SLC24A3: variants seen among roughly 807,000 people sequenced by gnomAD.
The protein encoded by SLC24A3 is solute carrier family 24 member 3.
A neutral mutation model predicts 75.8 loss-of-function variants in SLC24A3; 28 were observed. The ratio of observed to expected loss-of-function variants is 0.37; its 90% CI spans 0.27 to 0.51. SLC24A3 has a LOEUF of 0.51. SLC24A3 is among the 20% of genes least tolerant of loss of function. SLC24A3 has a pLI of 0.94. For missense variants in SLC24A3, 663 were observed against 847.8 expected (o/e 0.78, Z 2.71); for synonymous variants, 372 against 334.1 (o/e 1.11, Z -1.24).
chr20:19,507,242 A>T (rs1988474007), intron 2 of SLC24A3, among the ~76,000 whole-genome samples: 1 of 152,196 alleles, frequency 6.6e-6, no homozygotes, highest in South Asian at 2.1e-4. Flanking sequence ...TCAATATCCT[A>T]CAACCTTAAC....
chr20:19,282,426 G>A (rs955310463), intron 2 of SLC24A3, among the ~76,000 whole-genome samples: 4 of 152,348 alleles, frequency 2.6e-5, no homozygotes, highest in East Asian at 1.9e-4. Context: ...AAGTGAAGCA[G>A]CACATGGGCA....
At chr20:19,298,400 T>C (rs2122242738) in intron 2 of SLC24A3, among the ~76,000 whole-genome samples, 1 of 152,348 alleles carries the variant, frequency 6.6e-6, no homozygotes, top group East Asian at 1.9e-4. Flanking sequence ...TAACTTGAGA[T>C]GCATAAATGA....
chr20:19,345,263 C>T (rs904032742), intron 2 of SLC24A3, among the ~76,000 whole-genome samples: 1 of 151,760 alleles, frequency 6.6e-6, no homozygotes, highest in South Asian at 2.1e-4. Flanking sequence ...TGAAAGAAAT[C>T]AAAAAAAGAA....
chr20:19,680,177 T>C (rs2032597409), intron 9 of SLC24A3, among the ~76,000 whole-genome samples: 1 of 133,020 alleles, frequency 7.5e-6, no homozygotes, highest in Non-Finnish European at 1.7e-5. Flanking sequence ...TGTCTCTGTG[T>C]GTCTGTATGT....
At chr20:19,403,807 A>G in intron 2 of SLC24A3, among the ~76,000 whole-genome samples, 1 of 152,254 alleles carries the variant, frequency 6.6e-6, no homozygotes, top group East Asian at 1.9e-4. Flanking sequence ...CAGTGTAGCT[A>G]GAATGCAATT....
intron 2 of SLC24A3, among the ~76,000 whole-genome samples, chr20:19,469,214 C>A (rs1341150355): frequency 6.6e-6 from 1 of 151,892 alleles, no homozygotes; most frequent in Non-Finnish European, 1.5e-5. Flanking sequence ...ATGGGGCAGG[C>A]AGGAGATGAG....
chr20:19,220,380 C>A (rs1981672118), intron 1 of SLC24A3, among the ~76,000 whole-genome samples: 2 of 152,178 alleles, frequency 1.3e-5, no homozygotes, highest in Admixed American at 1.3e-4. Flanking sequence ...TGTTTGATCT[C>A]AGCAAAAGTC....
intron 7 of SLC24A3, among the ~76,000 whole-genome samples, chr20:19,663,396 GCCT>G (rs1568689481): frequency 1.6e-4 from 1 of 6,282 alleles, no homozygotes; most frequent in East Asian, 9.1e-3. Context: ...CTTTGTGGAG[GCCT>G]CCTCCTCCAC....
intron 3 of SLC24A3, among the ~76,000 whole-genome samples, chr20:19,541,119 A>G (rs1037126370): frequency 4.6e-5 from 7 of 152,220 alleles, no homozygotes; most frequent in African/African-American, 1.7e-4. Context: ...TTTAGTCTAC[A>G]TTTGTAGTGG....
intron 2 of SLC24A3, among the ~76,000 whole-genome samples, chr20:19,441,521 A>G (rs959156386): frequency 2.0e-5 from 3 of 152,194 alleles, no homozygotes; most frequent in Admixed American, 6.5e-5. Flanking sequence ...AATAGACTTT[A>G]TTTTTAAGAG....
chr20:19,358,256 C>T (rs1378262653), intron 2 of SLC24A3, among the ~76,000 whole-genome samples: 2 of 152,136 alleles, frequency 1.3e-5, no homozygotes, highest in African/African-American at 2.4e-5. Flanking sequence ...GAGTGAGTGA[C>T]CTTAGGGACA....
chr20:19,456,927 G>A (rs1383123215), intron 2 of SLC24A3, among the ~76,000 whole-genome samples: 2 of 152,186 alleles, frequency 1.3e-5, no homozygotes, highest in East Asian at 3.9e-4. Context: ...ATGATACTGT[G>A]ACTTTGTCCA....
intron 2 of SLC24A3, among the ~76,000 whole-genome samples, chr20:19,445,159 T>A (rs1987359369): frequency 6.6e-6 from 1 of 152,228 alleles, no homozygotes; most frequent in Non-Finnish European, 1.5e-5. Flanking sequence ...ACACATAATA[T>A]GGATCTTGGC....
chr20:19,593,892 G>A (rs2031416051), intron 6 of SLC24A3, among the ~76,000 whole-genome samples: 1 of 152,172 alleles, frequency 6.6e-6, no homozygotes, highest in Non-Finnish European at 1.5e-5. Context: ...GCTGCAACAT[G>A]TGACATCTGC....
Position 19,361,787 on chromosome 20 carries a change from A to G in SLC24A3, c.271+80700A>G, listed in dbSNP as rs535381115. The stretch of plus-strand genomic sequence containing the variant: ...GGTAGTTAAATATATTTGTGAAAAA[A>G]CAAGTATTTTACAATGTTGTCATAG... On this transcript the variant is annotated intron_variant, in intron 2 of 16. Transcript: ENST00000328041. 2.9e-3 allele frequency among the ~76,000 whole-genome samples: 437 copies of G among 152,318 alleles called. 1 individual carries two copies. Among genetic ancestry groups the G allele is most frequent in the Middle Eastern group, 3.4e-3 (1 of 294 alleles).
intron 2 of SLC24A3, among the ~76,000 whole-genome samples, chr20:19,368,512 C>T (rs994702123): frequency 6.6e-6 from 1 of 152,172 alleles, no homozygotes; most frequent in African/African-American, 2.4e-5. Context: ...TGGTGTGTGC[C>T]CTCTATTCAT....
At chr20:19,541,302 C>A (rs1395747327) in intron 3 of SLC24A3, among the ~76,000 whole-genome samples, 1 of 152,178 alleles carries the variant, frequency 6.6e-6, no homozygotes, top group Non-Finnish European at 1.5e-5. Flanking sequence ...TTGGAGCTAT[C>A]CTAACACTCC....
intron 3 of SLC24A3, among the ~76,000 whole-genome samples, chr20:19,563,040 C>T (rs949035130): frequency 2.6e-5 from 4 of 152,152 alleles, no homozygotes. Context: ...GGCACTCAAA[C>T]ATCATTATAA....
chr20:19,485,641 C>G (rs1157656210), intron 2 of SLC24A3, among the ~76,000 whole-genome samples: 1 of 152,130 alleles, frequency 6.6e-6, no homozygotes, highest in Non-Finnish European at 1.5e-5. Flanking sequence ...TTCAAACATA[C>G]ATACACTTTT....
Sources: gnomAD v4.1 joint callset for allele counts (sites outside exome capture counted in the v4.1 genomes callset) on GRCh38, gnomAD v4.1.1 for gene constraint, MANE v1.5 for transcripts, NCBI Gene and HGNC (gene_info 2026-07-23, HGNC 2026-07-21) for gene names.